The following ASTN2 variants were observed in gnomAD, a reference collection of about 807,000 sequenced individuals.
ASTN2 encodes the protein astrotactin 2, also known as astrotactin-2.
In ASTN2, 54 loss-of-function variants were observed where a neutral mutation model predicts 139.8. The observed-to-expected ratio is 0.39, with a 90% confidence interval of 0.31 to 0.48. The LOEUF is 0.48. Among genes scored for constraint, ASTN2 ranks in the 20% least tolerant of loss-of-function variants. The pLI is 0.95. For synonymous variants in ASTN2, 756 were observed against 719.5 expected (o/e 1.05, Z -0.81); for missense variants, 1,565 against 1,725.1 (o/e 0.91, Z 1.64).
intron 1 of ASTN2, among the ~76,000 whole-genome samples, chr9:117,325,084 G>A (rs902492189): frequency 3.3e-5 from 5 of 152,116 alleles, no homozygotes; most frequent in Middle Eastern, 3.2e-3. Flanking sequence ...GGAGAAGTGG[G>A]TTGATAACAG....
chr9:116,859,125 C>T (rs1035827017), intron 11 of ASTN2, among the ~76,000 whole-genome samples: 3 of 152,220 alleles, frequency 2.0e-5, no homozygotes, highest in Non-Finnish European at 2.9e-5. Flanking sequence ...CTCTACCCCA[C>T]TCCTCTGCTT....
intron 16 of ASTN2, among the ~76,000 whole-genome samples, chr9:116,707,046 ACT>A (rs1828006916): frequency 6.6e-6 from 1 of 150,954 alleles, no homozygotes; most frequent in Non-Finnish European, 1.5e-5. Context: ...CAGAGGAATG[ACT>A]CTTACCCTGT....
chr9:117,141,218 T>A, intron 4 of ASTN2, 108 bp downstream of exon 4: 1 of 1,176,750 alleles, frequency 8.5e-7, no homozygotes, highest in Non-Finnish European at 1.1e-6. Context: ...GTGGCACAAG[T>A]TTTATGAGCA....
At chr9:117,003,150 A>G (rs932588785) in intron 7 of ASTN2, among the ~76,000 whole-genome samples, 7 of 152,198 alleles carry the variant, frequency 4.6e-5, no homozygotes, top group Non-Finnish European at 1.0e-4. Flanking sequence ...ATGAGGTGAA[A>G]GAAACAGACA....
intron 5 of ASTN2, among the ~76,000 whole-genome samples, chr9:117,041,858 C>A (rs369985919): frequency 6.6e-6 from 1 of 152,118 alleles, no homozygotes; most frequent in African/African-American, 2.4e-5. Context: ...TTCCTTGTCA[C>A]CCCATCACTC....
At chr9:117,136,596 A>G (rs1291696068) in intron 4 of ASTN2, among the ~76,000 whole-genome samples, 1 of 152,290 alleles carries the variant, frequency 6.6e-6, no homozygotes, top group Non-Finnish European at 1.5e-5. Flanking sequence ...GGCCAAATTT[A>G]CTGTGTTTTC....
rs200116719 is a variant in ASTN2 at position 117,095,537 on chromosome 9, AAGT to A, written c.1276+504_1276+506del. Reference sequence around the variant, plus strand: ...TTGAGGACTTTACCTCTGGTCTGGTAAGTAAAATTTCCTGAACAAATGCTTGAT... The same window carrying A: ...TTGAGGACTTTACCTCTGGTCTGGTAAAAATTTCCTGAACAAATGCTTGAT... On this transcript the variant is annotated intron_variant, in intron 5 of 22. Coordinates refer to ENST00000313400, the MANE Select transcript of ASTN2 (RefSeq NM_001365068.1). 5.4e-3 allele frequency among the ~76,000 whole-genome samples: 815 copies of A among 152,314 alleles called. 3 individuals carry two copies. Among genetic ancestry groups the A allele is most frequent in the South Asian group, 0.018 (87 of 4,822 alleles).
At chr9:116,791,016 AAAG>A (rs1564269120) in intron 13 of ASTN2, among the ~76,000 whole-genome samples, 6 of 129,442 alleles carry the variant, frequency 4.6e-5, no homozygotes, top group African/African-American at 1.7e-4. Context: ...AGAAAGAAAG[AAAG>A]AAAGAAAGAA....
At chr9:116,533,990 C>T (rs1261953627) in intron 19 of ASTN2, among the ~76,000 whole-genome samples, 12 of 152,258 alleles carry the variant, frequency 7.9e-5, no homozygotes, top group African/African-American at 1.9e-4. Flanking sequence ...CCATCTGGTC[C>T]TGGAATTTTT....
Position 116,692,567 on chromosome 9 carries a change from T to C in ASTN2, c.2806+33204A>G, listed in dbSNP as rs147280518. 1.2e-3 allele frequency among the ~76,000 whole-genome samples: 178 copies of C among 152,324 alleles called. No individual in the cohort carries two copies. The East Asian group carries it at 0.015, about 13-fold the overall frequency. ...AAACTGAGAACTACAGAAGTATTAA[T>C]AACTTGCTCACGTCTCCACAATAAG... On this transcript the variant is annotated intron_variant, in intron 16 of 22. Coordinates refer to ENST00000313400, the MANE Select transcript of ASTN2 (RefSeq NM_001365068.1).
chr9:117,257,230 T>G (rs921882344), intron 2 of ASTN2, among the ~76,000 whole-genome samples: 1 of 152,208 alleles, frequency 6.6e-6, no homozygotes, highest in Non-Finnish European at 1.5e-5. Context: ...ATCTTACTAA[T>G]GGGTCTAAAA....
In ASTN2 at chr9:117,155,286, G is replaced by A. The variant is rs760439704; in HGVS notation, c.1016-13808C>T. On this transcript the variant is annotated intron_variant, in intron 3 of 22. Transcript: ENST00000313400. ...CTTCCCAAACAGCAGCCAAAAAACT[G>A]AGCTAAGGCAGTAGAGAGGACAGGA... Among the ~76,000 whole-genome samples the A allele has an allele frequency of 1.5e-3, 230 of 151,930 alleles. 3 individuals carry two copies. Among genetic ancestry groups the A allele is most frequent in the Non-Finnish European group, 2.2e-4 (15 of 67,982 alleles).
chr9:116,720,204 G>C (rs1454227779), intron 16 of ASTN2, among the ~76,000 whole-genome samples: 2 of 152,174 alleles, frequency 1.3e-5, no homozygotes, highest in Non-Finnish European at 2.9e-5. Context: ...TGTTTCAGCT[G>C]ACATTCAAAA....
chr9:116,973,755 T>C (rs1836273346), intron 10 of ASTN2, among the ~76,000 whole-genome samples: 1 of 152,232 alleles, frequency 6.6e-6, no homozygotes. Context: ...TAAATATCGA[T>C]GAATCAGTAT....
At chr9:117,104,472 T>C (rs1829055102) in intron 4 of ASTN2, among the ~76,000 whole-genome samples, 1 of 151,756 alleles carries the variant, frequency 6.6e-6, no homozygotes, top group East Asian at 2.0e-4. Flanking sequence ...ATTCTGTGTA[T>C]GTAATAAAAA....
At chr9:116,569,411 TATCA>T (rs1232343873) in intron 19 of ASTN2, among the ~76,000 whole-genome samples, 1 of 152,262 alleles carries the variant, frequency 6.6e-6, no homozygotes, top group Non-Finnish European at 1.5e-5. Context: ...CTGTTATGAT[TATCA>T]ATCAAAACAC....
intron 1 of ASTN2, among the ~76,000 whole-genome samples, chr9:117,401,956 G>T (rs1830841882): frequency 1.3e-5 from 2 of 152,226 alleles, no homozygotes; most frequent in African/African-American, 4.8e-5. Flanking sequence ...AAAGGACAGA[G>T]AAGGGAGAGG....
chr9:117,332,451 C>A (rs1828742081), intron 1 of ASTN2, among the ~76,000 whole-genome samples: 1 of 152,102 alleles, frequency 6.6e-6, no homozygotes, highest in Non-Finnish European at 1.5e-5. Context: ...CACGTGTAGT[C>A]CGAGCTACTC....
intron 4 of ASTN2, among the ~76,000 whole-genome samples, chr9:117,132,508 C>T (rs929930749): frequency 6.6e-6 from 1 of 152,184 alleles, no homozygotes; most frequent in African/African-American, 2.4e-5. Flanking sequence ...AGTTGCCTCT[C>T]CATCCTCCAG....
Sources: allele counts gnomAD v4.1 joint callset (sites outside exome capture counted in the v4.1 genomes callset), GRCh38; gene constraint gnomAD v4.1.1; transcripts MANE v1.5; gene names NCBI Gene and HGNC (gene_info 2026-07-23, HGNC 2026-07-21).